Variants in TLR6 observed in about 807,000 individuals in gnomAD.
TLR6 encodes toll-like receptor 6.
In TLR6, 9 loss-of-function variants were observed where a neutral mutation model predicts 16.1. That is an observed-to-expected ratio of 0.56 (90% CI 0.34 to 0.98). The LOEUF is 0.98. TLR6 is among the 50% of genes least tolerant of loss of function. TLR6 has a pLI of 0.02. For missense variants in TLR6, 786 were observed against 921.0 expected, an observed-to-expected ratio of 0.85 and a Z score of 1.90; for synonymous variants, 340 against 338.6, an observed-to-expected ratio of 1.00 and a Z score of -0.04.
upstream of TLR6, among the ~76,000 whole-genome samples, chr4:38,861,058 C>A (rs1464148067): frequency 6.6e-6 from 1 of 152,046 alleles, no homozygotes; most frequent in Non-Finnish European, 1.5e-5. Context: ...TGGGTGCACC[C>A]TTCACACACC....
exon 2 of TLR6, chr4:38,828,299 A>T: frequency 6.2e-7 from 1 of 1,613,604 alleles, no homozygotes; most frequent in Non-Finnish European, 8.5e-7. Flanking sequence ...TACTTTGAAA[A>T]GGTCTTTTAA....
intron 1 of TLR6, among the ~76,000 whole-genome samples, chr4:38,847,652 G>A (rs966632510): frequency 6.6e-6 from 1 of 152,224 alleles, no homozygotes; most frequent in African/African-American, 2.4e-5. Flanking sequence ...CACCTGGCTT[G>A]GAGGGTCCCA....
chr4:38,862,144 C>T, the TLR6 span, among the ~76,000 whole-genome samples: 2 of 152,300 alleles, frequency 1.3e-5, no homozygotes, highest in African/African-American at 4.8e-5. Flanking sequence ...TCGGAATGAA[C>T]TCTCTGTGCC....
intron 1 of TLR6, among the ~76,000 whole-genome samples, chr4:38,837,441 A>G (rs144151505): frequency 2.0e-5 from 3 of 152,340 alleles, no homozygotes; most frequent in African/African-American, 7.2e-5. Context: ...CAGCCAATCA[A>G]TTTTCAACAA....
chr4:38,828,330 G>A (rs1162122023), exon 2 of TLR6: 1 of 1,613,450 alleles, frequency 6.2e-7, no homozygotes. Flanking sequence ...TGTAAGATAA[G>A]TGTCTCCAAT....
chr4:38,862,881 C>T, the TLR6 span, among the ~76,000 whole-genome samples: 1 of 147,550 alleles, frequency 6.8e-6, no homozygotes, highest in African/African-American at 2.5e-5. Flanking sequence ...GGGCATGAAC[C>T]ACTACACCCG....
At chr4:38,827,207 G>T in exon 2 of TLR6, 1 of 1,614,174 alleles carries the variant, frequency 6.2e-7, no homozygotes, top group Non-Finnish European at 8.5e-7. Flanking sequence ...AGTCCGCTGC[G>T]TCATGAGAGC....
intron 1 of TLR6, among the ~76,000 whole-genome samples, chr4:38,838,501 G>A (rs1173733695): frequency 6.6e-6 from 1 of 152,142 alleles, no homozygotes; most frequent in East Asian, 1.9e-4. Context: ...GCACAGAAAG[G>A]CAAATATTGT....
At chr4:38,857,086 T>A (rs1001684481), upstream of TLR6, among the ~76,000 whole-genome samples, 6 of 152,250 alleles carry the variant, frequency 3.9e-5, no homozygotes, top group African/African-American at 1.2e-4. Flanking sequence ...GTTTGCAGCC[T>A]GGTTATTACA....
intron 1 of TLR6, among the ~76,000 whole-genome samples, chr4:38,849,884 A>G (rs543635142): frequency 3.3e-5 from 5 of 152,258 alleles, no homozygotes; most frequent in East Asian, 1.9e-4. Flanking sequence ...GCACCAAGCG[A>G]ACCTAATAGA....
intron 1 of TLR6, among the ~76,000 whole-genome samples, chr4:38,842,830 T>C (rs188869763): frequency 2.0e-5 from 3 of 151,870 alleles, no homozygotes; most frequent in Non-Finnish European, 4.4e-5. Flanking sequence ...ATTCGGGCCA[T>C]AGCAATGACA....
At chr4:38,853,167 G>A (rs1170575313) in intron 1 of TLR6, among the ~76,000 whole-genome samples, 18 of 147,192 alleles carry the variant, frequency 1.2e-4, no homozygotes, top group Non-Finnish European at 2.5e-4. Context: ...ACTCATAGGT[G>A]GGAAATGAAC....
At chr4:38,833,491 A>G (rs1272186725) in intron 1 of TLR6, among the ~76,000 whole-genome samples, 1 of 152,252 alleles carries the variant, frequency 6.6e-6, no homozygotes, top group Admixed American at 6.5e-5. Context: ...CCCACTCAGA[A>G]TCAAAGCCAA....
At chr4:38,867,331 C>G in the TLR6 span, among the ~76,000 whole-genome samples, 1 of 152,220 alleles carries the variant, frequency 6.6e-6, no homozygotes, top group Admixed American at 6.5e-5. Context: ...GAGTTTTAAC[C>G]CACAGCTCCA....
rs1452210901 is a variant in TLR6 at position 38,828,582 on chromosome 4, TAA to T, written c.890_891del (p.Phe297TyrfsTer4). 2 of 1,613,900 alleles carry T rather than the reference TAA, an allele frequency of 1.2e-6. No homozygotes were observed. The highest frequency in any genetic ancestry group is 3.3e-5 in the Admixed American group (2 of 59,988). On this transcript the variant is annotated frameshift_variant, in exon 2 of 2. Transcript: ENST00000436693. LOFTEE classifies it low-confidence loss of function (END_TRUNC). ...GCTTTCAATGTCGTTTTAGAATAAGTAAAATCTTCTTCACGAATGCTTTCAAT... is the reference window on the plus strand; with the variant it reads ...GCTTTCAATGTCGTTTTAGAATAAGTAATCTTCTTCACGAATGCTTTCAAT...
the TLR6 span, chr4:38,868,044 G>T: frequency 2.3e-6 from 1 of 425,948 alleles, no homozygotes. Context: ...GACCTGCGTG[G>T]GTGCGGGCGT....
At chr4:38,848,002 C>A (rs1351830260) in intron 1 of TLR6, among the ~76,000 whole-genome samples, 1 of 152,104 alleles carries the variant, frequency 6.6e-6, no homozygotes, top group Non-Finnish European at 1.5e-5. Context: ...GGGTCCCTGA[C>A]CCCCATGTAG....
chr4:38,852,133 G>C (rs554204984), intron 1 of TLR6, among the ~76,000 whole-genome samples: 31 of 152,274 alleles, frequency 2.0e-4, no homozygotes, highest in African/African-American at 6.7e-4. Flanking sequence ...ATAGGGAAAG[G>C]ATTCCCTATT....
exon 2 of TLR6, chr4:38,827,010 G>C: frequency 8.2e-7 from 1 of 1,212,882 alleles, no homozygotes; most frequent in East Asian, 2.5e-5. Flanking sequence ...CCTCCAGACA[G>C]TTACTTACGA....
Sources: allele counts gnomAD v4.1 joint callset (sites outside exome capture counted in the v4.1 genomes callset), GRCh38; gene constraint gnomAD v4.1.1; transcripts MANE v1.5; gene names NCBI Gene and HGNC (gene_info 2026-07-23, HGNC 2026-07-21).